LRP12: variants seen among roughly 807,000 people sequenced by gnomAD.
LRP12 encodes the protein low-density lipoprotein receptor-related protein 12.
LRP12 carries 14 observed loss-of-function variants against 66.0 expected under a neutral mutation model. The observed-to-expected ratio is 0.21, with a 90% CI of 0.14 to 0.33. LRP12 has a LOEUF of 0.33. Ranked by LOEUF, LRP12 falls within the 10% of genes least tolerant of loss-of-function variation. The pLI is 1.00. For missense variants in LRP12, 889 were observed against 1,053.4 expected (o/e 0.84, Z 2.16); for synonymous variants, 357 against 359.1 (o/e 0.99, Z 0.07).
At position 104,491,316 on chromosome 8, in the gene LRP12, C is replaced by G. The variant is rs752980753; in HGVS notation, c.1937G>C (p.Ser646Thr). 1 of 1,614,178 alleles carries G rather than the reference C, an allele frequency of 6.2e-7. No homozygotes were observed. Among genetic ancestry groups the G allele is most frequent in the Non-Finnish European group, 8.5e-7 (1 of 1,180,042 alleles). Residue 646 changes from serine to threonine, a missense_variant, in exon 7 of 7, where the codon AGT becomes ACT. Ser to Thr is a moderately conservative substitution (Grantham distance 58). Coordinates refer to ENST00000276654, the MANE Select transcript of LRP12 (RefSeq NM_013437.5). ...REPERNHTHR[S>T]LFSVESDDTD... is the part of the protein sequence containing the mutation. ...ATCATCAGACTCCACGGAAAACAAA[C>G]TTCTGTGAGTATGATTTCTCTCAGG...
Position 104,559,662 on chromosome 8 carries a change from T to G in LRP12, c.80-27699A>C, listed in dbSNP as rs577212555. Among the ~76,000 whole-genome samples the G allele has an allele frequency of 2.0e-5, 3 of 152,260 alleles. No individual in the cohort carries two copies. The South Asian group carries it at 6.2e-4, about 32-fold the overall frequency. On this transcript the variant is annotated intron_variant, in intron 1 of 6. Transcript: ENST00000276654. ...AATAGTTTAGAGAGAAAGGACCTCTTAACAATATTGTACATGCCTATCCAA... is the reference window on the plus strand; with the variant it reads ...AATAGTTTAGAGAGAAAGGACCTCTGAACAATATTGTACATGCCTATCCAA...
intron 6 of LRP12, among the ~76,000 whole-genome samples, chr8:104,492,563 C>G (rs563690001): frequency 5.5e-4 from 84 of 152,276 alleles, no homozygotes; most frequent in Non-Finnish European, 1.1e-3. Flanking sequence ...CACACCTCTT[C>G]CCTTTCCCCT....
At chr8:104,582,200 T>C (rs1008440159) in intron 1 of LRP12, among the ~76,000 whole-genome samples, 2 of 152,190 alleles carry the variant, frequency 1.3e-5, no homozygotes, top group African/African-American at 4.8e-5. Flanking sequence ...GGTATCAAGT[T>C]AGTCTCACTC....
At chr8:104,582,994 G>A (rs748743650) in intron 1 of LRP12, among the ~76,000 whole-genome samples, 4 of 151,870 alleles carry the variant, frequency 2.6e-5, no homozygotes, top group South Asian at 2.1e-4. Flanking sequence ...TACCTCTTAC[G>A]GCAAGAGGAA....
intron 2 of LRP12, 25 bp downstream of exon 2, chr8:104,531,882 T>G: frequency 6.6e-7 from 1 of 1,517,806 alleles, no homozygotes; most frequent in Admixed American, 1.9e-5. Context: ...TGCATGAAAT[T>G]TAAACATTAC....
chr8:104,538,884 A>T (rs758623177), intron 1 of LRP12, among the ~76,000 whole-genome samples: 8 of 152,172 alleles, frequency 5.3e-5, no homozygotes, highest in Non-Finnish European at 1.0e-4. Context: ...AATTTAAAAT[A>T]GCTCATGTGG....
chr8:104,588,970 ACGCCGCCGCCGCCGCCGCCGC>A lies in LRP12; in HGVS notation c.-94_-74del, dbSNP rs879237391. Reference sequence around the variant, plus strand: ...GAGAAGCTGGAGGTAGACGACGCCGACGCCGCCGCCGCCGCCGCCGCCGCCGCCGAGCCACCGGCTGCTCCC... The same window carrying A: ...GAGAAGCTGGAGGTAGACGACGCCGACGCCGCCGAGCCACCGGCTGCTCCC... On this transcript the variant is annotated 5_prime_UTR_variant, in exon 1 of 7. Transcript: ENST00000276654. 9 of 601,158 alleles carry A rather than the reference ACGCCGCCGCCGCCGCCGCCGC, an allele frequency of 1.5e-5. 1 individual carries two copies. The highest frequency in any genetic ancestry group is 8.9e-5 in the East Asian group (2 of 22,348). The allele number at this position is 601,158 out of a possible 1,614,324, so 37.2% of individuals were successfully genotyped here.
intron 1 of LRP12, among the ~76,000 whole-genome samples, chr8:104,577,942 A>G (rs911264483): frequency 5.3e-5 from 8 of 152,178 alleles, no homozygotes; most frequent in African/African-American, 1.4e-4. Context: ...CCCACATCAA[A>G]AAGTTAGAAA....
At chr8:104,531,639 G>T (rs1811325937) in intron 2 of LRP12, among the ~76,000 whole-genome samples, 1 of 152,018 alleles carries the variant, frequency 6.6e-6, no homozygotes, top group African/African-American at 2.4e-5. Flanking sequence ...AATTCAACTT[G>T]AGCTAACTTT....
chr8:104,541,667 C>T lies in LRP12; in HGVS notation c.80-9704G>A, dbSNP rs113115886. 4.9e-3 allele frequency among the ~76,000 whole-genome samples: 739 copies of T among 152,270 alleles called. 7 individuals are homozygous for T. The highest frequency in any genetic ancestry group is 0.017 in the African/African-American group (698 of 41,560). The stretch of plus-strand genomic sequence containing the variant: ...TATCAGCAGTTATTCCCCTTTTTCT[C>T]TTCCCCACATCCCCTAGCAACAGGT... On this transcript the variant is annotated intron_variant, in intron 1 of 6. Coordinates refer to ENST00000276654, the MANE Select transcript of LRP12 (RefSeq NM_013437.5).
At chr8:104,536,631 A>G (rs1811395967) in intron 1 of LRP12, among the ~76,000 whole-genome samples, 3 of 152,212 alleles carry the variant, frequency 2.0e-5, no homozygotes, top group African/African-American at 7.2e-5. Flanking sequence ...AACAAAATAT[A>G]ATTAGCAAGC....
At chr8:104,517,796 T>A (rs1024757749) in intron 2 of LRP12, among the ~76,000 whole-genome samples, 1 of 152,024 alleles carries the variant, frequency 6.6e-6, no homozygotes, top group Non-Finnish European at 1.5e-5. Flanking sequence ...GTAAGAAGGA[T>A]TTGATTCCAA....
chr8:104,525,923 C>A (rs955697721), intron 2 of LRP12, among the ~76,000 whole-genome samples: 2 of 152,118 alleles, frequency 1.3e-5, no homozygotes, highest in African/African-American at 4.8e-5. Flanking sequence ...GATTGTGTAT[C>A]TAGAAAACCC....
At chr8:104,564,534 G>C (rs1266316037) in intron 1 of LRP12, among the ~76,000 whole-genome samples, 1 of 152,028 alleles carries the variant, frequency 6.6e-6, no homozygotes, top group African/African-American at 2.4e-5. Context: ...GTAGGGATGA[G>C]AGTAGGGGAC....
chr8:104,553,219 C>T (rs925831462), intron 1 of LRP12, among the ~76,000 whole-genome samples: 1 of 152,064 alleles, frequency 6.6e-6, no homozygotes, highest in African/African-American at 2.4e-5. Context: ...GTGAAGTTTA[C>T]TGGACAGAAT....
At chr8:104,511,072 ACT>A (rs1170954238) in intron 2 of LRP12, among the ~76,000 whole-genome samples, 1 of 112,976 alleles carries the variant, frequency 8.9e-6, no homozygotes, top group African/African-American at 3.6e-5. Context: ...ATAGAGTCTC[ACT>A]CTGTCTCCAG....
At chr8:104,546,985 TTGTATATAATATATAATTATATATTC>T (rs1186985536) in intron 1 of LRP12, among the ~76,000 whole-genome samples, 1 of 144,882 alleles carries the variant, frequency 6.9e-6, no homozygotes, top group Non-Finnish European at 1.5e-5. Context: ...TCTATACATT[TTGTATATAATATATAATTATATATTC>T]TGTATATAAT....
Position 104,495,186 on chromosome 8 carries a change from C to T in LRP12, c.1604G>A (p.Arg535Lys). 6.2e-7 allele frequency: 1 copy of T among 1,613,596 alleles called. No individual in the cohort carries two copies. Among genetic ancestry groups the T allele is most frequent in the Non-Finnish European group, 8.5e-7 (1 of 1,179,758 alleles). Residue 535 changes from arginine to lysine, a missense_variant, in exon 6 of 7, where the codon AGA (arginine) becomes AAA (lysine). Arg to Lys is a conservative substitution (Grantham distance 26, BLOSUM62 2). Around this residue, in one of 3 missense-constraint regions of LRP12, gnomAD observed 800 missense variants for 964.5 expected, o/e 0.83. Transcript: ENST00000276654. ...ERRSFETQLS[R>K]VEAELLRREA... Reference sequence around the variant, plus strand: ...TCTTCTTAACAATTCTGCTTCCACTCTTGACAACTGTGTTTCAAATGATCT... The same window carrying T: ...TCTTCTTAACAATTCTGCTTCCACTTTTGACAACTGTGTTTCAAATGATCT...
In LRP12 at chr8:104,497,583, C is replaced by T. The variant is rs778120467; in HGVS notation, c.969G>A (p.Glu323=). Residue 323 remains glutamate, a synonymous_variant, in exon 5 of 7, where the codon GAG becomes GAA. Transcript: ENST00000276654. This position sits in a 1 kb window ranked among gnomAD's most constrained non-coding sequence, Gnocchi z 4.3. ...DYVKIYDGLE[E]NPHKLLRVLT... ...ACACACGCAAAAGCTTGTGTGGATT[C>T]TCCTCTAATCCATCATATATTTTGA... 1.9e-6 allele frequency: 3 copies of T among 1,613,304 alleles called. No homozygotes were observed. The Admixed American group carries it at 5.0e-5, about 27-fold the overall frequency.
Sources: gnomAD v4.1 joint callset for allele counts (sites outside exome capture counted in the v4.1 genomes callset) on GRCh38, gnomAD v4.1.1 for gene constraint, gnomAD v4.1.1 regional missense constraint, Gnocchi (gnomAD v3.1) non-coding constraint, MANE v1.5 for transcripts, NCBI Gene and HGNC (gene_info 2026-07-23, HGNC 2026-07-21) for gene names.